SORCS3: variants seen among roughly 807,000 people sequenced by gnomAD.
The protein encoded by SORCS3 is sortilin related VPS10 domain containing receptor 3, also known as VPS10 domain-containing receptor SorCS3.
In SORCS3, 57 loss-of-function variants were observed where a neutral mutation model predicts 146.3. The observed-to-expected ratio is 0.39, with a 90% CI of 0.31 to 0.49. SORCS3 has a LOEUF of 0.49. SORCS3 is among the 20% of genes least tolerant of loss of function. The pLI is 0.92. For missense variants in SORCS3, 1,341 were observed against 1,575.5 expected (o/e 0.85, Z 2.52); for synonymous variants, 653 against 618.5 (o/e 1.06, Z -0.83).
At chr10:104,842,998 G>A (rs2018160364) in intron 2 of SORCS3, 139 bp downstream of exon 2, 1 of 686,354 alleles carries the variant, frequency 1.5e-6, no homozygotes. Context: ...GCTCTGGGTG[G>A]AACTGATGGC....
intron 3 of SORCS3, among the ~76,000 whole-genome samples, chr10:104,975,799 C>A (rs142403215): frequency 0.029 from 4,432 of 152,178 alleles, 171 homozygotes; most frequent in African/African-American, 0.092. Flanking sequence ...TGAGAAAAAC[C>A]AGCAATGGGG....
rs192263260 is a variant in SORCS3 at position 104,689,313 on chromosome 10, G to A, written c.627+47359G>A. 1.3e-3 allele frequency among the ~76,000 whole-genome samples: 191 copies of A among 152,300 alleles called. 1 individual carries two copies. Among genetic ancestry groups the A allele is most frequent in the African/African-American group, 4.4e-3 (183 of 41,556 alleles). On this transcript the variant is annotated intron_variant, in intron 1 of 26. Transcript: ENST00000369701. ...CTTCCTCCAGGAAGCCCTCCTGACA[G>A]CCACTGGCCAACTTGGCCTTCAGGA...
chr10:104,687,308 C>T (rs2016056594), intron 1 of SORCS3, among the ~76,000 whole-genome samples: 1 of 152,184 alleles, frequency 6.6e-6, no homozygotes, highest in Non-Finnish European at 1.5e-5. Flanking sequence ...GCCTAATATA[C>T]TTTGATGCTT....
intron 3 of SORCS3, among the ~76,000 whole-genome samples, chr10:104,968,803 C>T (rs374259556): frequency 2.0e-5 from 3 of 152,104 alleles, no homozygotes; most frequent in African/African-American, 4.8e-5. Context: ...ACAGCTTTAG[C>T]GAGAGTCACA....
At chr10:105,114,208 A>AT (rs1441050858) in intron 7 of SORCS3, among the ~76,000 whole-genome samples, 3 of 152,122 alleles carry the variant, frequency 2.0e-5, no homozygotes, top group Admixed American at 2.0e-4. Flanking sequence ...TACTCTCTTC[A>AT]TGGCACAGAG....
intron 16 of SORCS3, among the ~76,000 whole-genome samples, chr10:105,207,463 G>A (rs1429622774): frequency 3.3e-5 from 5 of 152,060 alleles, no homozygotes; most frequent in South Asian, 2.1e-4. Context: ...GAAGGAAAAT[G>A]TGTGTGTGTT....
rs879603199 is a variant in SORCS3, at chr10:105,233,113, T to TA, written c.2868+9876dup. 2.6e-3 allele frequency among the ~76,000 whole-genome samples: 380 copies of TA among 145,708 alleles called. 3 individuals carry two copies. Among genetic ancestry groups the TA allele is most frequent in the Middle Eastern group, 7.3e-3 (2 of 274 alleles). On this transcript the variant is annotated intron_variant, in intron 20 of 26. Transcript: ENST00000369701. ...CTTTTTTTGTATATCACTCATACTT[T>TA]AAAAAAAAAAAACTTTTTAAAGTGA...
intron 9 of SORCS3, among the ~76,000 whole-genome samples, 170 bp downstream of exon 9, chr10:105,147,966 A>T (rs1241802144): frequency 6.6e-6 from 1 of 152,088 alleles, no homozygotes; most frequent in Admixed American, 6.6e-5. Flanking sequence ...TAAAATAGAG[A>T]TAAAATATTT....
chr10:105,152,621 C>A (rs967759958), intron 9 of SORCS3, among the ~76,000 whole-genome samples: 3 of 152,142 alleles, frequency 2.0e-5, no homozygotes, highest in Non-Finnish European at 1.5e-5. Flanking sequence ...TTGCCAATAA[C>A]TGAAATGGGT....
At chr10:105,148,206 C>T (rs2056145427) in intron 9 of SORCS3, among the ~76,000 whole-genome samples, 1 of 151,866 alleles carries the variant, frequency 6.6e-6, no homozygotes, top group Admixed American at 6.6e-5. Flanking sequence ...TTTGGAAAGT[C>T]CTGTTTTATG....
chr10:104,874,299 T>A (rs2018548293), intron 2 of SORCS3, among the ~76,000 whole-genome samples: 1 of 152,192 alleles, frequency 6.6e-6, no homozygotes, highest in South Asian at 2.1e-4. Flanking sequence ...ACATGTCCAT[T>A]CCTCTGGGTT....
chr10:105,045,034 A>G lies in SORCS3; in HGVS notation c.1028+1906A>G, dbSNP rs546221899. ...AGTCCAGAATTCGAAAAAAAAAAAA[A>G]AAAAAAAGAAAGAAAGAAAGAAAGC... On this transcript the variant is annotated intron_variant, in intron 5 of 26. Transcript: ENST00000369701. 2.1e-3 allele frequency among the ~76,000 whole-genome samples: 315 copies of G among 148,670 alleles called. 1 individual carries two copies. Among genetic ancestry groups the G allele is most frequent in the Non-Finnish European group, 3.7e-3 (248 of 67,262 alleles).
intron 5 of SORCS3, among the ~76,000 whole-genome samples, chr10:105,045,094 C>T (rs2055362211): frequency 6.7e-6 from 1 of 150,156 alleles, no homozygotes; most frequent in African/African-American, 2.5e-5. Flanking sequence ...CTGGAACAAA[C>T]TCTTGAGATG....
intron 5 of SORCS3, among the ~76,000 whole-genome samples, chr10:105,077,737 A>G (rs1289426281): frequency 2.0e-5 from 3 of 152,162 alleles, no homozygotes; most frequent in South Asian, 4.1e-4. Context: ...GTCTCATGTT[A>G]TGGTCTCGTA....
chr10:104,845,610 G>GA (rs1322524834), intron 2 of SORCS3, among the ~76,000 whole-genome samples: 10 of 152,198 alleles, frequency 6.6e-5, no homozygotes, highest in Middle Eastern at 3.4e-3. Flanking sequence ...GAATTTATAA[G>GA]ACACCAAGCG....
intron 5 of SORCS3, among the ~76,000 whole-genome samples, chr10:105,082,101 G>A (rs2055629958): frequency 6.6e-6 from 1 of 152,210 alleles, no homozygotes; most frequent in Non-Finnish European, 1.5e-5. Flanking sequence ...AAGCCTGTGA[G>A]GTCAAGCATT....
intron 9 of SORCS3, among the ~76,000 whole-genome samples, chr10:105,155,184 C>CATGGTA (rs536325695): frequency 3.3e-5 from 5 of 152,160 alleles, no homozygotes; most frequent in Admixed American, 6.5e-5. Flanking sequence ...AGTCGGAAAA[C>CATGGTA]ATGGTAATGG....
chr10:104,968,761 G>A (rs1389991550), intron 3 of SORCS3, among the ~76,000 whole-genome samples: 13 of 152,160 alleles, frequency 8.5e-5, no homozygotes, highest in Admixed American at 8.5e-4. Flanking sequence ...GTAAGCTTGT[G>A]AATGTCTTTG....
At chr10:104,952,317 G>A (rs1432484010) in intron 3 of SORCS3, among the ~76,000 whole-genome samples, 1 of 125,628 alleles carries the variant, frequency 8.0e-6, no homozygotes, top group Admixed American at 9.8e-5. Context: ...GTTCCTAATA[G>A]TCCTTCCTTA....
Sources: allele counts gnomAD v4.1 joint callset (sites outside exome capture counted in the v4.1 genomes callset), GRCh38; gene constraint gnomAD v4.1.1; transcripts MANE v1.5; gene names NCBI Gene and HGNC (gene_info 2026-07-23, HGNC 2026-07-21).